The following WDR72 variants were observed in gnomAD, a reference collection of about 807,000 sequenced individuals.
WDR72 encodes WD repeat-containing protein 72.
WDR72 carries 120 observed loss-of-function variants against 124.2 expected under a neutral mutation model. The observed-to-expected ratio is 0.97, with a 90% CI of 0.83 to 1.12. The LOEUF is 1.12. Ranked by LOEUF, WDR72 falls within the 50% of genes most tolerant of loss-of-function variation. WDR72 has a pLI of 0.00. For missense variants in WDR72, 1,387 were observed against 1,278.8 expected (o/e 1.08, Z -1.29); for synonymous variants, 452 against 441.7 (o/e 1.02, Z -0.29).
At chr15:53,757,813 C>T (rs1181388832) in intron 1 of WDR72, among the ~76,000 whole-genome samples, 1 of 151,978 alleles carries the variant, frequency 6.6e-6, no homozygotes, top group African/African-American at 2.4e-5. Flanking sequence ...TTACTGATAC[C>T]ATTATTTTCA....
chr15:53,673,915 C>T (rs1283252587), intron 13 of WDR72, among the ~76,000 whole-genome samples: 6 of 151,928 alleles, frequency 3.9e-5, no homozygotes, highest in African/African-American at 1.2e-4. Flanking sequence ...CCCTTGAACC[C>T]GGGAGGCGGA....
At chr15:53,648,928 AAG>A (rs1433428254) in intron 14 of WDR72, among the ~76,000 whole-genome samples, 1 of 138,000 alleles carries the variant, frequency 7.2e-6, no homozygotes, top group South Asian at 2.1e-4. Context: ...GAAAACCCAA[AAG>A]AGAGCTTACA....
chr15:53,609,664 A>G (rs2013449892), intron 16 of WDR72, 72 bp from the exon 17 acceptor site: 1 of 1,283,574 alleles, frequency 7.8e-7, no homozygotes, highest in African/African-American at 1.5e-5. Flanking sequence ...GATGGGCTGC[A>G]TATTAGAATC....
intron 13 of WDR72, among the ~76,000 whole-genome samples, chr15:53,676,703 T>C (rs1414766885): frequency 2.6e-5 from 4 of 152,296 alleles, no homozygotes; most frequent in Non-Finnish European, 4.4e-5. Context: ...CCTCATGAGA[T>C]CCTAAATAGA....
chr15:53,676,644 T>G (rs2016181941), intron 13 of WDR72, among the ~76,000 whole-genome samples: 1 of 152,300 alleles, frequency 6.6e-6, no homozygotes, highest in East Asian at 1.9e-4. Flanking sequence ...AGTGAATTGG[T>G]TCCCAGAGCC....
chr15:53,743,631 G>A (rs1438178740), intron 1 of WDR72, among the ~76,000 whole-genome samples: 1 of 151,994 alleles, frequency 6.6e-6, no homozygotes, highest in African/African-American at 2.4e-5. Context: ...TAGGATTTCC[G>A]GTTTTAATAT....
chr15:53,546,645 C>A (rs1191405276), intron 18 of WDR72, among the ~76,000 whole-genome samples: 1 of 151,808 alleles, frequency 6.6e-6, no homozygotes, highest in African/African-American at 2.4e-5. Flanking sequence ...GCACACATAC[C>A]CTAAAACATA....
intron 14 of WDR72, among the ~76,000 whole-genome samples, chr15:53,665,198 A>ATT (rs60292735): frequency 5.1e-4 from 76 of 149,488 alleles, no homozygotes; most frequent in African/African-American, 1.8e-3. Flanking sequence ...AGTTTTTCTG[A>ATT]TTTTTTTTTT....
At chr15:53,713,090 A>C (rs1439726674) in intron 6 of WDR72, among the ~76,000 whole-genome samples, 199 bp from the exon 7 acceptor site, 1 of 151,686 alleles carries the variant, frequency 6.6e-6, no homozygotes, top group African/African-American at 2.4e-5. Context: ...TAATCTGTAC[A>C]CCCAACCCCC....
intron 18 of WDR72, among the ~76,000 whole-genome samples, chr15:53,536,049 G>A (rs1892744015): frequency 6.6e-6 from 1 of 152,160 alleles, no homozygotes; most frequent in African/African-American, 2.4e-5. Context: ...TTCACAGATT[G>A]AGGAGTAGGT....
chr15:53,543,329 G>C (rs979161175), intron 18 of WDR72, among the ~76,000 whole-genome samples: 22 of 151,760 alleles, frequency 1.4e-4, no homozygotes, highest in African/African-American at 5.3e-4. Context: ...TAGAACTCAG[G>C]ATTAAGAATC....
intron 13 of WDR72, among the ~76,000 whole-genome samples, chr15:53,696,840 T>C (rs1019330940): frequency 6.6e-6 from 1 of 152,290 alleles, no homozygotes; most frequent in Non-Finnish European, 1.5e-5. Context: ...AGGAACAGCA[T>C]AAACTTATTC....
chr15:53,690,113 G>T (rs1415643901), intron 13 of WDR72, among the ~76,000 whole-genome samples: 3 of 150,856 alleles, frequency 2.0e-5, no homozygotes, highest in South Asian at 2.1e-4. Flanking sequence ...TATACCTAAT[G>T]CTAGATGACA....
At chr15:53,717,640 T>C (rs561672855) in intron 3 of WDR72, among the ~76,000 whole-genome samples, 29 of 152,216 alleles carry the variant, frequency 1.9e-4, no homozygotes, top group East Asian at 5.8e-4. Context: ...ATATTTTTGG[T>C]TGTTGGAACT....
Position 53,646,048 on chromosome 15 carries a change from T to C in WDR72, c.1962+19524A>G, listed in dbSNP as rs959587034. Among the ~76,000 whole-genome samples the C allele has an allele frequency of 3.9e-5, 6 of 152,182 alleles. No homozygotes were observed. The South Asian group carries it at 1.2e-3, about 31-fold the overall frequency. On this transcript the variant is annotated intron_variant, in intron 14 of 19. Transcript: ENST00000360509. ...ACAGGAATAAGGTGATGATGTGGCT[T>C]CTTAAAAAGCATCGATGTTTCTGTA...
chr15:53,686,231 G>T (rs1040441466), intron 13 of WDR72, among the ~76,000 whole-genome samples: 1 of 151,434 alleles, frequency 6.6e-6, no homozygotes, highest in Non-Finnish European at 1.5e-5. Flanking sequence ...AAATGTAAAT[G>T]GACTAAATGC....
At chr15:53,643,820 C>T (rs1229426004) in intron 14 of WDR72, among the ~76,000 whole-genome samples, 1 of 151,794 alleles carries the variant, frequency 6.6e-6, no homozygotes, top group African/African-American at 2.4e-5. Flanking sequence ...ACCTAGAGTA[C>T]CCTGTCACAA....
intron 14 of WDR72, among the ~76,000 whole-genome samples, chr15:53,661,997 T>G (rs1239862364): frequency 6.6e-6 from 1 of 152,162 alleles, no homozygotes; most frequent in Non-Finnish European, 1.5e-5. Flanking sequence ...AAAAAGAATT[T>G]AAAAGCAACT....
In WDR72 at chr15:53,744,898, C is replaced by A. The variant is rs17663543; in HGVS notation, c.-12-11737G>T. Among the ~76,000 whole-genome samples, 5 of 152,040 alleles carry A rather than the reference C, an allele frequency of 3.3e-5. No individual in the cohort carries two copies. The East Asian group carries it at 5.8e-4, about 18-fold the overall frequency. ...TCTGGAAGAAGTATATTCTGGGGAA[C>A]GTAACCACCCCAGTTCCTCTCTTCA... On this transcript the variant is annotated intron_variant, in intron 1 of 19. Transcript: ENST00000360509.
Sources: allele counts gnomAD v4.1 joint callset (sites outside exome capture counted in the v4.1 genomes callset), GRCh38; gene constraint gnomAD v4.1.1; transcripts MANE v1.5; gene names NCBI Gene and HGNC (gene_info 2026-07-23, HGNC 2026-07-21).